Variants in DNAH8 observed in about 807,000 individuals in gnomAD.
The protein encoded by DNAH8 is dynein axonemal heavy chain 8.
A neutral mutation model predicts 562.1 loss-of-function variants in DNAH8; 382 were observed. The observed-to-expected ratio is 0.68, with a 90% CI of 0.63 to 0.74. The LOEUF is 0.74. Ranked by LOEUF, DNAH8 falls within the 30% of genes least tolerant of loss-of-function variation. DNAH8 has a pLI of 0.00. For synonymous variants in DNAH8, 1,881 were observed against 1,919.4 expected (o/e 0.98, Z 0.52); for missense variants, 5,203 against 5,620.4 (o/e 0.93, Z 2.37).
intron 62 of DNAH8, among the ~76,000 whole-genome samples, chr6:38,901,525 T>C (rs1249298172): frequency 6.6e-6 from 1 of 152,204 alleles, no homozygotes; most frequent in Non-Finnish European, 1.5e-5. Flanking sequence ...CCTCCACTGG[T>C]TTCCTTATCT....
chr6:38,847,116 A>G (rs1241025902), intron 36 of DNAH8, among the ~76,000 whole-genome samples: 1 of 152,090 alleles, frequency 6.6e-6, no homozygotes, highest in Non-Finnish European at 1.5e-5. Flanking sequence ...CTTCGGTAAG[A>G]CTTGACTGTA....
Position 38,860,515 on chromosome 6 carries a change from A to G in DNAH8, c.6017A>G (p.Tyr2006Cys). ...GAATGGCTAAAACAGAGTAGATTTT[A>G]TTTTAAGGAAGATTTGGATCAAACT... ...DFEWLKQSRF[Y>C]FKEDLDQTVV... Residue 2006 changes from tyrosine (Y) to cysteine (C), a missense_variant, in exon 43 of 93, where the codon TAT becomes TGT. By Grantham distance (194) the Tyr-to-Cys change is radical. This residue lies in a region of DNAH8 where 2,176 missense variants were observed against 2,365.1 expected (regional missense o/e 0.92). Transcript: ENST00000327475. 6 of 1,504,464 alleles carry G rather than the reference A, an allele frequency of 4.0e-6. No individual in the cohort carries two copies. The highest frequency in any genetic ancestry group is 5.3e-6 in the Non-Finnish European group (6 of 1,131,438). The allele number at this position is 1,504,464 out of a possible 1,614,324, so 93.2% of individuals were successfully genotyped here.
chr6:38,894,735 A>ACAT lies in DNAH8; in HGVS notation c.8620_8622dup (p.Ile2874dup), dbSNP rs1346031424. 3 of 1,613,888 alleles carry ACAT rather than the reference A, an allele frequency of 1.9e-6. No individual in the cohort carries two copies. The highest frequency in any genetic ancestry group is 2.5e-6 in the Non-Finnish European group (3 of 1,179,922). ...CTGCCAACTCCTTCTAAATTTCATTACATCTTCAATCTTCGAGATCTTTCC... is the reference window on the plus strand; with the variant it reads ...CTGCCAACTCCTTCTAAATTTCATTACATCATCTTCAATCTTCGAGATCTTTCC... On this transcript the variant is annotated inframe_insertion, in exon 59 of 93. Coordinates refer to ENST00000327475, the MANE Select transcript of DNAH8 (RefSeq NM_001206927.2).
rs1463376112 is a variant in DNAH8 at position 38,903,860 on chromosome 6, T to C, written c.9195-2394T>C. Among the ~76,000 whole-genome samples the C allele has an allele frequency of 5.3e-5, 8 of 152,104 alleles. No individual in the cohort carries two copies. The East Asian group carries it at 1.4e-3, about 26-fold the overall frequency. On this transcript the variant is annotated intron_variant, in intron 62 of 92. Coordinates refer to ENST00000327475, the MANE Select transcript of DNAH8 (RefSeq NM_001206927.2). ...CTCCTGACCTTGTGATCCACCTGCCTCAGCCTCCCAAAGTGCTGGGATTAC... is the reference window on the plus strand; with the variant it reads ...CTCCTGACCTTGTGATCCACCTGCCCCAGCCTCCCAAAGTGCTGGGATTAC...
At chr6:38,989,696 G>A (rs548616619) in intron 87 of DNAH8, among the ~76,000 whole-genome samples, 3 of 151,672 alleles carry the variant, frequency 2.0e-5, no homozygotes, top group African/African-American at 7.3e-5. Context: ...TTTGCAGTAT[G>A]TTCCTATTCC....
At position 38,921,486 on chromosome 6, in the gene DNAH8, G is replaced by A. The variant is rs750113660; in HGVS notation, c.10642G>A (p.Ala3548Thr). The change falls in exon 71 of 93, where the codon GCA becomes ACA. Residue 3548 changes from alanine (A) to threonine (T), a missense_variant. This residue lies in a region of DNAH8 where 1,399 missense variants were observed against 1,518.4 expected (regional missense o/e 0.92). Coordinates refer to ENST00000327475, the MANE Select transcript of DNAH8 (RefSeq NM_001206927.2). ...GGATAAAGTACAGGCAAAATTTGAT[G>A]CAGCAATGAATGAGAAAATGGTGAG... ...ELDKVQAKFDAAMNEKMDLLN... is the reference protein window; with the variant it reads ...ELDKVQAKFDTAMNEKMDLLN... 6.2e-7 allele frequency: 1 copy of A among 1,613,242 alleles called. No individual in the cohort carries two copies. Among genetic ancestry groups the A allele is most frequent in the Non-Finnish European group, 8.5e-7 (1 of 1,179,608 alleles).
intron 52 of DNAH8, among the ~76,000 whole-genome samples, chr6:38,874,573 T>C (rs1050241542): frequency 1.3e-5 from 2 of 151,682 alleles, no homozygotes; most frequent in Non-Finnish European, 2.9e-5. Context: ...TCTCTGTATG[T>C]TGCCCAGGCT....
chr6:38,945,774 A>G lies in DNAH8; in HGVS notation c.12129+186A>G, dbSNP rs542591170. Among the ~76,000 whole-genome samples the G allele has an allele frequency of 1.4e-4, 21 of 152,274 alleles. 2 individuals carry two copies. The South Asian group carries it at 4.2e-3, about 30-fold the overall frequency. ...GATGGACCTCAGGGTTAACCTCTTC[A>G]TAGTTGCAGGCAACTATGTTTTCCT... On this transcript the variant is annotated intron_variant, in intron 80 of 92. Transcript: ENST00000327475.
chr6:38,953,030 TTC>T (rs1318213830), intron 82 of DNAH8: 2 of 152,234 alleles, frequency 1.3e-5, no homozygotes, highest in East Asian at 3.8e-4. Flanking sequence ...GGTATATTTT[TTC>T]TCTCTTAACA....
At chr6:38,810,828 G>A (rs902347185) in intron 24 of DNAH8, among the ~76,000 whole-genome samples, 4 of 151,962 alleles carry the variant, frequency 2.6e-5, no homozygotes, top group African/African-American at 9.7e-5. Flanking sequence ...TATCCCATTG[G>A]TTCTTTAGTG....
At chr6:38,916,785 C>A (rs367940994) in intron 68 of DNAH8, among the ~76,000 whole-genome samples, 35 of 152,248 alleles carry the variant, frequency 2.3e-4, no homozygotes, top group African/African-American at 7.9e-4. Flanking sequence ...TTTTTATGAG[C>A]CATATATTAC....
At chr6:38,987,775 C>A (rs1764499997) in intron 87 of DNAH8, among the ~76,000 whole-genome samples, 1 of 152,180 alleles carries the variant, frequency 6.6e-6, no homozygotes, top group Admixed American at 6.5e-5. Context: ...CCTCTCCAAC[C>A]TCCTGTCTTG....
chr6:38,790,521 A>T, intron 20 of DNAH8, 116 bp downstream of exon 20: 1 of 545,518 alleles, frequency 1.8e-6, no homozygotes, highest in Non-Finnish European at 3.2e-6. Flanking sequence ...GACATCCGTT[A>T]GGTTTAAAAT....
chr6:38,949,179 A>G (rs779883979), intron 80 of DNAH8, among the ~76,000 whole-genome samples: 6 of 152,180 alleles, frequency 3.9e-5, no homozygotes, highest in Non-Finnish European at 8.8e-5. Context: ...AGAAACCTTG[A>G]TTTGTGTTTC....
chr6:38,947,691 G>C (rs1481866829), intron 80 of DNAH8, among the ~76,000 whole-genome samples: 15 of 152,270 alleles, frequency 9.9e-5, no homozygotes, highest in Admixed American at 7.2e-4. Context: ...CAACCAGAGA[G>C]AGCTGCTGCA....
At chr6:38,724,077 TC>T (rs918750213) in intron 3 of DNAH8, among the ~76,000 whole-genome samples, 2 of 151,710 alleles carry the variant, frequency 1.3e-5, no homozygotes, top group Admixed American at 1.3e-4. Context: ...AACCTTGCCT[TC>T]CGGATTCTCC....
At chr6:38,830,634 C>CAAAAAAAAAAAAAAAAAAAAAAAA (rs56761180) in intron 30 of DNAH8, among the ~76,000 whole-genome samples, 1 of 90,454 alleles carries the variant, frequency 1.1e-5, no homozygotes, top group Non-Finnish European at 2.2e-5. Context: ...GACTCTATCT[C>CAAAAAAAAAAAAAAAAAAAAAAAA]AAAAAAAAAA....
intron 37 of DNAH8, among the ~76,000 whole-genome samples, chr6:38,849,572 CT>C (rs10707927): frequency 0.1 from 14,253 of 141,476 alleles, 1,978 homozygotes; most frequent in African/African-American, 0.34. Flanking sequence ...TTTTTTTTTG[CT>C]TTTTTTTTTT....
At chr6:39,025,998 C>T (rs1021830778) in intron 91 of DNAH8, among the ~76,000 whole-genome samples, 1 of 152,190 alleles carries the variant, frequency 6.6e-6, no homozygotes, top group Admixed American at 6.5e-5. Context: ...GTATTATGCA[C>T]ATTAAAATAT....
Sources: allele counts gnomAD v4.1 joint callset (sites outside exome capture counted in the v4.1 genomes callset), GRCh38; gene constraint gnomAD v4.1.1; regional missense constraint gnomAD v4.1.1; transcripts MANE v1.5; gene names NCBI Gene and HGNC (gene_info 2026-07-23, HGNC 2026-07-21).